Variants in FARS2 observed in about 807,000 individuals in gnomAD.
FARS2 encodes phenylalanyl-tRNA synthetase 2, mitochondrial.
FARS2 carries 40 observed loss-of-function variants against 46.4 expected under a neutral mutation model. The ratio of observed to expected loss-of-function variants is 0.86; its 90% CI spans 0.67 to 1.12. FARS2 has a LOEUF of 1.12. FARS2 is among the 50% of genes most tolerant of loss of function. FARS2 has a pLI of 0.00. For missense variants in FARS2, 513 were observed against 567.9 expected (o/e 0.90, Z 0.98); for synonymous variants, 234 against 214.9 (o/e 1.09, Z -0.78).
chr6:5,554,699 T>A (rs1360500451), intron 5 of FARS2, among the ~76,000 whole-genome samples: 1 of 152,202 alleles, frequency 6.6e-6, no homozygotes, highest in Non-Finnish European at 1.5e-5. Flanking sequence ...TCACAGTGGA[T>A]GAGGCGAGTA....
chr6:5,410,464 G>A (rs1481317626), intron 3 of FARS2, among the ~76,000 whole-genome samples: 1 of 152,056 alleles, frequency 6.6e-6, no homozygotes. Flanking sequence ...ACCTGGCCGC[G>A]TTGTTCTATT....
intron 4 of FARS2, among the ~76,000 whole-genome samples, chr6:5,516,427 T>A (rs1038725934): frequency 6.6e-6 from 1 of 152,174 alleles, no homozygotes; most frequent in Non-Finnish European, 1.5e-5. Flanking sequence ...AATTTGTAAA[T>A]GGATTTTAAT....
intron 3 of FARS2, among the ~76,000 whole-genome samples, chr6:5,420,058 G>A (rs1005087729): frequency 2.0e-5 from 3 of 152,190 alleles, no homozygotes; most frequent in Admixed American, 6.5e-5. Context: ...GGCAGAAGGC[G>A]AAAGACACGT....
intron 2 of FARS2, among the ~76,000 whole-genome samples, chr6:5,381,688 C>T (rs1277358994): frequency 2.6e-5 from 4 of 152,030 alleles, no homozygotes; most frequent in African/African-American, 7.2e-5. Flanking sequence ...GTTTGGTGGT[C>T]GATTATGTAA....
intron 6 of FARS2, among the ~76,000 whole-genome samples, chr6:5,767,170 CT>C (rs1166409436): frequency 1.3e-5 from 2 of 152,090 alleles, no homozygotes; most frequent in Non-Finnish European, 2.9e-5. Flanking sequence ...ATTCTTGTGC[CT>C]CAGCCTCCCA....
chr6:5,354,175 C>T (rs1327197910), intron 1 of FARS2, among the ~76,000 whole-genome samples: 2 of 152,116 alleles, frequency 1.3e-5, no homozygotes, highest in African/African-American at 4.8e-5. Context: ...TAAAACCAGA[C>T]ACCATATTCT....
intron 1 of FARS2, among the ~76,000 whole-genome samples, chr6:5,271,560 G>GTT (rs59053657): frequency 0.14 from 15,284 of 108,638 alleles, 2,767 homozygotes; most frequent in African/African-American, 0.3. Flanking sequence ...GACTATGTCT[G>GTT]TTTTTTTTTT....
chr6:5,537,264 A>G (rs1368867093), intron 4 of FARS2, among the ~76,000 whole-genome samples: 1 of 152,110 alleles, frequency 6.6e-6, no homozygotes, highest in Non-Finnish European at 1.5e-5. Context: ...AAGTATCCCT[A>G]CCCCTTCCCC....
intron 3 of FARS2, among the ~76,000 whole-genome samples, chr6:5,411,389 C>G (rs1399003913): frequency 1.3e-5 from 2 of 152,212 alleles, no homozygotes; most frequent in African/African-American, 4.8e-5. Flanking sequence ...TCAGTGCCTC[C>G]TGGTAGCTAG....
the FARS2 span, among the ~76,000 whole-genome samples, chr6:5,253,142 TA>T: frequency 6.6e-6 from 1 of 152,234 alleles, no homozygotes; most frequent in Non-Finnish European, 1.5e-5. Flanking sequence ...AACACATTAA[TA>T]AAAACTCAAA....
chr6:5,683,946 G>A (rs1004580526), intron 6 of FARS2, among the ~76,000 whole-genome samples: 1 of 152,184 alleles, frequency 6.6e-6, no homozygotes, highest in African/African-American at 2.4e-5. Flanking sequence ...CAGAAGACAT[G>A]AACTCATTCT....
At chr6:5,429,636 T>C (rs1763049474) in intron 3 of FARS2, among the ~76,000 whole-genome samples, 1 of 152,054 alleles carries the variant, frequency 6.6e-6, no homozygotes, top group South Asian at 2.1e-4. Context: ...CGAGACCTCA[T>C]CTCTAAAGTA....
intron 4 of FARS2, among the ~76,000 whole-genome samples, chr6:5,507,815 C>A (rs928903315): frequency 6.6e-6 from 1 of 152,156 alleles, no homozygotes; most frequent in East Asian, 1.9e-4. Flanking sequence ...AAGCAGAGAG[C>A]AGGGGAGAAG....
intron 4 of FARS2, among the ~76,000 whole-genome samples, chr6:5,528,840 C>G (rs533544161): frequency 6.6e-6 from 1 of 152,080 alleles, no homozygotes; most frequent in Admixed American, 6.5e-5. Flanking sequence ...CTGACTGATA[C>G]GTGGTGACTG....
intron 3 of FARS2, among the ~76,000 whole-genome samples, chr6:5,429,000 AT>A: frequency 6.6e-6 from 1 of 152,336 alleles, no homozygotes; most frequent in East Asian, 1.9e-4. Context: ...GTATGTTTTC[AT>A]TTTTATAAAA....
intron 1 of FARS2, among the ~76,000 whole-genome samples, chr6:5,348,199 T>C (rs1421866669): frequency 6.6e-6 from 1 of 152,210 alleles, no homozygotes; most frequent in Non-Finnish European, 1.5e-5. Context: ...ATATTTTCTT[T>C]CACGATTACT....
intron 1 of FARS2, among the ~76,000 whole-genome samples, chr6:5,313,382 T>C (rs1236921226): frequency 6.6e-6 from 1 of 152,198 alleles, no homozygotes; most frequent in Non-Finnish European, 1.5e-5. Flanking sequence ...TCTGTCGTAC[T>C]TAATGCATAA....
chr6:5,573,704 T>G (rs1336302869), intron 5 of FARS2, among the ~76,000 whole-genome samples: 1 of 152,208 alleles, frequency 6.6e-6, no homozygotes, highest in African/African-American at 2.4e-5. Context: ...AACGTTTAAG[T>G]GCCTTCTTTA....
chr6:5,492,672 G>A (rs1014495424), intron 4 of FARS2, among the ~76,000 whole-genome samples: 4 of 152,130 alleles, frequency 2.6e-5, no homozygotes, highest in Admixed American at 1.3e-4. Flanking sequence ...AGTATTTATC[G>A]AGCCCCTACC....
Sources: allele counts gnomAD v4.1 joint callset (sites outside exome capture counted in the v4.1 genomes callset), GRCh38; gene constraint gnomAD v4.1.1; transcripts MANE v1.5; gene names NCBI Gene and HGNC (gene_info 2026-07-23, HGNC 2026-07-21).